The following BRSK2 variants were observed in gnomAD, a reference collection of about 807,000 sequenced individuals.
The protein encoded by BRSK2 is serine/threonine-protein kinase BRSK2.
Under a neutral mutation model 83.3 loss-of-function variants are expected in BRSK2, and 19 were observed. The observed-to-expected ratio is 0.23, with a 90% confidence interval of 0.16 to 0.33. The LOEUF is 0.33. Among genes scored for constraint, BRSK2 ranks in the 10% least tolerant of loss-of-function variants. The pLI is 1.00. For synonymous variants in BRSK2, 519 were observed against 435.4 expected (o/e 1.19, Z -2.39); for missense variants, 798 against 1,042.3 (o/e 0.77, Z 3.23).
intron 1 of BRSK2, chr11:1,410,972 C>A (rs1259238291): frequency 2.0e-6 from 2 of 987,020 alleles, no homozygotes; most frequent in Non-Finnish European, 2.4e-6. Flanking sequence ...CAGCCCAGGG[C>A]CCCGCTGAGG....
At chr11:1,406,855 T>C (rs1423267338) in intron 1 of BRSK2, among the ~76,000 whole-genome samples, 1 of 152,206 alleles carries the variant, frequency 6.6e-6, no homozygotes, top group East Asian at 1.9e-4. Context: ...CGCATGTGTG[T>C]GCATGTCCAT....
chr11:1,399,955 C>T (rs966497880), intron 1 of BRSK2, among the ~76,000 whole-genome samples: 4 of 152,188 alleles, frequency 2.6e-5, no homozygotes, highest in African/African-American at 9.7e-5. Context: ...CTGTAGCCGC[C>T]AGCAACACCC....
chr11:1,447,296 C>T (rs1441392333), intron 12 of BRSK2, among the ~76,000 whole-genome samples: 8 of 152,208 alleles, frequency 5.3e-5, no homozygotes, highest in Admixed American at 2.0e-4. Context: ...GCCACCTCCC[C>T]GGACTCCCCG....
rs1486743702 is a variant in BRSK2 at position 1,440,942 on chromosome 11, C to A, written c.413+14C>A. On this transcript the variant is annotated intron_variant, in intron 4 of 19. Coordinates refer to ENST00000528841, the MANE Select transcript of BRSK2 (RefSeq NM_001256627.2). The stretch of plus-strand genomic sequence containing the variant: ...CCACTCCATATGGTGAGGCCCCACC[C>A]CTGGTGCCCCCCACTCCCCAGGGAC... 2 of 1,601,988 alleles carry A rather than the reference C, an allele frequency of 1.2e-6. No individual in the cohort carries two copies. Among genetic ancestry groups the A allele is most frequent in the Admixed American group, 1.7e-5 (1 of 59,616 alleles).
At chr11:1,436,793 TC>T (rs753644293) in intron 2 of BRSK2, among the ~76,000 whole-genome samples, 1 of 152,002 alleles carries the variant, frequency 6.6e-6, no homozygotes, top group Non-Finnish European at 1.5e-5. Context: ...CCCCCTCCTC[TC>T]CCTTCCTCTC....
At chr11:1,447,758 G>C in intron 12 of BRSK2, 1 of 1,579,382 alleles carries the variant, frequency 6.3e-7, no homozygotes, top group South Asian at 1.1e-5. Flanking sequence ...CCCGCGTGTG[G>C]CCGTCAGTAA....
In BRSK2 at chr11:1,411,708, C is replaced by T. The variant is rs542298739; in HGVS notation, c.91+21333C>T. On this transcript the variant is annotated intron_variant, in intron 1 of 19. Coordinates refer to ENST00000528841, the MANE Select transcript of BRSK2 (RefSeq NM_001256627.2). Reference sequence around the variant, plus strand: ...GTTCATGTGTGAGGGATGCAGCCCCCACGGCAGGGACGGGGGACCTCGCCA... The same window carrying T: ...GTTCATGTGTGAGGGATGCAGCCCCTACGGCAGGGACGGGGGACCTCGCCA... 1.4e-5 allele frequency: 21 copies of T among 1,527,376 alleles called. No individual in the cohort carries two copies. In the South Asian group the frequency reaches 2.4e-4, roughly 17 times the overall value. 94.6% of individuals were successfully genotyped at this position (1,527,376 alleles called of 1,614,324 possible).
chr11:1,391,473 G>A (rs1347385205), intron 1 of BRSK2, among the ~76,000 whole-genome samples: 1 of 152,208 alleles, frequency 6.6e-6, no homozygotes, highest in Non-Finnish European at 1.5e-5. Context: ...CCAGGCTCTT[G>A]GGGGAGGGCC....
chr11:1,456,913 C>T (rs1437117310), intron 18 of BRSK2: 5 of 1,582,726 alleles, frequency 3.2e-6, no homozygotes, highest in Non-Finnish European at 4.3e-6. Context: ...GGACATAGGG[C>T]GCAGCCGCAC....
At chr11:1,400,631 G>C (rs1217892271) in intron 1 of BRSK2, among the ~76,000 whole-genome samples, 2 of 152,038 alleles carry the variant, frequency 1.3e-5, no homozygotes, top group Non-Finnish European at 2.9e-5. Flanking sequence ...AACGTTCACT[G>C]TGTGTCACAC....
rs1402221655 is a variant in BRSK2, at chr11:1,445,576, A to G, written c.983A>G (p.Asn328Ser). ...GCGCCTCTCGCCCGCTGTAGGGAGA[A>G]CCAGGAGAAGATGATTTACTTCCTC... ...LLQDLLSEEE[N>S]QEKMIYFLLL... The change falls in exon 11 of 20, where the codon AAC becomes AGC. Residue 328 changes from asparagine to serine, a missense_variant. Coordinates refer to ENST00000528841, the MANE Select transcript of BRSK2 (RefSeq NM_001256627.2). 6.3e-7 allele frequency: 1 copy of G among 1,577,638 alleles called. No individual in the cohort carries two copies. Among genetic ancestry groups the G allele is most frequent in the Non-Finnish European group, 8.6e-7 (1 of 1,161,964 alleles).
chr11:1,408,725 C>T (rs573245179), intron 1 of BRSK2, among the ~76,000 whole-genome samples: 1 of 151,440 alleles, frequency 6.6e-6, no homozygotes, highest in African/African-American at 2.4e-5. Flanking sequence ...GCACATCTGC[C>T]TGTGCAGGGG....
chr11:1,451,738 G>A (rs1360128732), intron 15 of BRSK2, among the ~76,000 whole-genome samples: 1 of 152,144 alleles, frequency 6.6e-6, no homozygotes. Context: ...GCAGAGACCG[G>A]GTCGCTCAGG....
intron 1 of BRSK2, among the ~76,000 whole-genome samples, chr11:1,402,470 C>T (rs1407893925): frequency 1.3e-5 from 2 of 152,226 alleles, no homozygotes; most frequent in Admixed American, 1.3e-4. Flanking sequence ...CTGAGCCCCG[C>T]CTCCGGGGAG....
At chr11:1,419,168 C>T (rs1848402515) in intron 1 of BRSK2, among the ~76,000 whole-genome samples, 1 of 143,740 alleles carries the variant, frequency 7.0e-6, no homozygotes. Context: ...CTTTGCTCAG[C>T]TGTGTTTGTG....
At chr11:1,424,375 G>A (rs1848965692) in intron 1 of BRSK2, among the ~76,000 whole-genome samples, 1 of 152,222 alleles carries the variant, frequency 6.6e-6, no homozygotes, top group South Asian at 2.1e-4. Context: ...AAGAAGGACA[G>A]GGAGAGCCAG....
intron 1 of BRSK2, among the ~76,000 whole-genome samples, chr11:1,397,233 G>A (rs773284782): frequency 9.9e-5 from 15 of 152,218 alleles, no homozygotes; most frequent in East Asian, 5.8e-4. Context: ...GATGTCCGCC[G>A]GGCCAGGCTG....
intron 19 of BRSK2, chr11:1,459,456 C>T (rs1847126615): frequency 1.7e-6 from 1 of 589,344 alleles, no homozygotes; most frequent in Admixed American, 2.8e-5. Context: ...TGGCCAGACT[C>T]ACCTCTGCCA....
In BRSK2 at chr11:1,411,480, C is replaced by T. The variant is rs754333570; in HGVS notation, c.91+21105C>T. On this transcript the variant is annotated intron_variant, in intron 1 of 19. Transcript: ENST00000528841. ...CATCTGTCCTTCCTCCCTCTGCTCC[C>T]CAAGAGAGCCCAGGTCTGGCCCAGC... The T allele has an allele frequency of 1.1e-5, 17 of 1,481,460 alleles. No individual in the cohort carries two copies. In the African/African-American group the frequency reaches 2.5e-4, roughly 21 times the overall value. The allele number at this position is 1,481,460 out of a possible 1,614,324, so 91.8% of individuals were successfully genotyped here.
Sources: gnomAD v4.1 joint callset for allele counts (sites outside exome capture counted in the v4.1 genomes callset) on GRCh38, gnomAD v4.1.1 for gene constraint, MANE v1.5 for transcripts, NCBI Gene and HGNC (gene_info 2026-07-23, HGNC 2026-07-21) for gene names.